TTC7B: variants seen among roughly 807,000 people sequenced by gnomAD.
TTC7B encodes tetratricopeptide repeat protein 7B.
Under a neutral mutation model 106.8 loss-of-function variants are expected in TTC7B, and 28 were observed. The observed-to-expected ratio is 0.26, with a 90% CI of 0.19 to 0.36. The LOEUF (loss-of-function observed/expected upper bound fraction) is 0.36, where lower values mean the gene tolerates loss of function less well. Ranked by LOEUF, TTC7B falls within the 10% of genes least tolerant of loss-of-function variation. The pLI is 1.00. For missense variants in TTC7B, 862 were observed against 1,076.4 expected (o/e 0.80, Z 2.79); for synonymous variants, 405 against 430.6 (o/e 0.94, Z 0.74).
chr14:90,779,090 T>C (rs914029264), intron 3 of TTC7B, among the ~76,000 whole-genome samples: 1 of 152,186 alleles, frequency 6.6e-6, no homozygotes, highest in Non-Finnish European at 1.5e-5. Flanking sequence ...CCACAGTCAG[T>C]CACGGAACGT....
intron 4 of TTC7B, among the ~76,000 whole-genome samples, chr14:90,730,669 G>A (rs964722870): frequency 6.6e-6 from 1 of 152,190 alleles, no homozygotes; most frequent in African/African-American, 2.4e-5. Context: ...ATCTGCACTA[G>A]CCCTGGAATC....
At chr14:90,703,570 G>T (rs1222726047) in intron 5 of TTC7B, among the ~76,000 whole-genome samples, 1 of 152,094 alleles carries the variant, frequency 6.6e-6, no homozygotes, top group Non-Finnish European at 1.5e-5. Flanking sequence ...AATCCAAGGG[G>T]ATCATTTGAA....
chr14:90,741,654 A>C (rs1484437203), intron 4 of TTC7B, among the ~76,000 whole-genome samples: 1 of 152,180 alleles, frequency 6.6e-6, no homozygotes, highest in East Asian at 1.9e-4. Context: ...AAATTAAGTC[A>C]ATTAAGTTCA....
chr14:90,694,492 TTATAAA>T (rs1405422847), intron 6 of TTC7B, among the ~76,000 whole-genome samples: 2 of 150,938 alleles, frequency 1.3e-5, no homozygotes, highest in African/African-American at 2.4e-5. Flanking sequence ...TATTTATATA[TTATAAA>T]TATATGTCAC....
intron 3 of TTC7B, among the ~76,000 whole-genome samples, chr14:90,749,206 G>A (rs1890060267): frequency 6.6e-6 from 1 of 151,984 alleles, no homozygotes; most frequent in Admixed American, 6.6e-5. Context: ...ATTATGAAGT[G>A]CTTGGGCTTT....
At chr14:90,707,126 G>A (rs1424519592) in intron 5 of TTC7B, among the ~76,000 whole-genome samples, 1 of 152,148 alleles carries the variant, frequency 6.6e-6, no homozygotes, top group Non-Finnish European at 1.5e-5. Context: ...CTACTCAGTT[G>A]CTTTATTCCG....
At chr14:90,582,537 G>C (rs1006739673) in intron 18 of TTC7B, among the ~76,000 whole-genome samples, 1 of 152,236 alleles carries the variant, frequency 6.6e-6, no homozygotes, top group East Asian at 1.9e-4. Context: ...CAGTGCCACA[G>C]GTTTCCTCCA....
intron 5 of TTC7B, among the ~76,000 whole-genome samples, chr14:90,726,698 A>G (rs899620836): frequency 2.6e-5 from 4 of 152,242 alleles, no homozygotes; most frequent in Non-Finnish European, 4.4e-5. Flanking sequence ...TTCCAAACCC[A>G]GCACCTGAGC....
In TTC7B at chr14:90,816,373, C is replaced by G; in HGVS notation, c.-78G>C. The G allele has an allele frequency of 1.2e-6, 1 of 828,000 alleles. No homozygotes were observed. The highest frequency in any genetic ancestry group is 1.5e-6 in the Non-Finnish European group (1 of 689,456). The allele number at this position is 828,000 out of a possible 1,614,324, so 51.3% of individuals were successfully genotyped here. On this transcript the variant is annotated 5_prime_UTR_variant, in exon 1 of 20. Coordinates refer to ENST00000328459, the MANE Select transcript of TTC7B (RefSeq NM_001010854.2). ...GCGGCGCCCCCTCGCCGCCTCCCGC[C>G]GCCGCCGCGGGCTCGGGCTCCGGCT... is the stretch of plus-strand genomic sequence containing the variant.
chr14:90,780,741 T>C lies in TTC7B; in HGVS notation c.442A>G (p.Lys148Glu), dbSNP rs1046828259. The part of the protein sequence containing the change: ...LRVIAEAYAT[K>E]GLCLEKLPIS... Reference sequence around the variant, plus strand: ...TGTTAGAAGGCACGGGCCTCACCTTTGGTAGCGTAGGCTTCTGCGATCACC... The same window carrying C: ...TGTTAGAAGGCACGGGCCTCACCTTCGGTAGCGTAGGCTTCTGCGATCACC... The change falls in exon 3 of 20, where the codon AAA becomes GAA. Residue 148 changes from lysine (K) to glutamate (E), a missense_variant. By Grantham distance (56) the Lys-to-Glu change is moderately conservative (BLOSUM62 1). Coordinates refer to ENST00000328459, the MANE Select transcript of TTC7B (RefSeq NM_001010854.2). 7.4e-6 allele frequency: 12 copies of C among 1,614,002 alleles called. No individual in the cohort carries two copies. Among genetic ancestry groups the C allele is most frequent in the Non-Finnish European group, 8.5e-6 (10 of 1,179,984 alleles).
At chr14:90,603,919 C>T (rs1317029032) in intron 17 of TTC7B, among the ~76,000 whole-genome samples, 1 of 152,188 alleles carries the variant, frequency 6.6e-6, no homozygotes, top group Non-Finnish European at 1.5e-5. Flanking sequence ...TGGCTAGACA[C>T]TCCCTGAGGA....
Position 90,652,909 on chromosome 14 carries a change from G to T in TTC7B, c.1460-11C>A. ...TCCCTCGCAAAGAAGCTAAGAAAAG[G>T]GTTCAATTAGTCAGTGGCATGGGGG... On this transcript the variant is annotated splice_polypyrimidine_tract_variant and intron_variant, in intron 12 of 19. Coordinates refer to ENST00000328459, the MANE Select transcript of TTC7B (RefSeq NM_001010854.2). 6.2e-7 allele frequency: 1 copy of T among 1,614,118 alleles called. No individual in the cohort carries two copies. The highest frequency in any genetic ancestry group is 8.5e-7 in the Non-Finnish European group (1 of 1,179,994).
rs562397585 is a variant in TTC7B, at chr14:90,570,900, C to T, written c.2310+7206G>A. Among the ~76,000 whole-genome samples the T allele has an allele frequency of 4.6e-5, 7 of 152,298 alleles. No homozygotes were observed. Among genetic ancestry groups the T allele is most frequent in the African/African-American group, 9.6e-5 (4 of 41,566 alleles). ...AGATGAAGGGACTTATCTCGGGGTACGCAGTTAGTAAGCGACACAGCTGGG... is the reference window on the plus strand; with the variant it reads ...AGATGAAGGGACTTATCTCGGGGTATGCAGTTAGTAAGCGACACAGCTGGG... On this transcript the variant is annotated intron_variant, in intron 19 of 19. Transcript: ENST00000328459. This position sits in a 1 kb window ranked among gnomAD's most constrained non-coding sequence, Gnocchi z 4.0.
intron 19 of TTC7B, among the ~76,000 whole-genome samples, chr14:90,561,169 C>T (rs1332669984): frequency 6.6e-6 from 1 of 152,216 alleles, no homozygotes; most frequent in African/African-American, 2.4e-5. Context: ...AGTGGGCATG[C>T]TCCGCTCCTC....
intron 17 of TTC7B, among the ~76,000 whole-genome samples, chr14:90,597,738 CTA>C (rs1391800723): frequency 1.3e-5 from 2 of 151,992 alleles, no homozygotes; most frequent in Non-Finnish European, 2.9e-5. Context: ...TGGTAAGTGA[CTA>C]TATAGACACT....
At chr14:90,616,888 C>T (rs57135792) in intron 16 of TTC7B, among the ~76,000 whole-genome samples, 3,382 of 152,296 alleles carry the variant, frequency 0.022, 118 homozygotes, top group African/African-American at 0.078. Context: ...ATGATATCAG[C>T]TGACCAGACA....
intron 1 of TTC7B, among the ~76,000 whole-genome samples, chr14:90,798,502 A>G (rs1431940393): frequency 6.6e-6 from 1 of 151,994 alleles, no homozygotes; most frequent in Non-Finnish European, 1.5e-5. Flanking sequence ...CCTGAGGTCA[A>G]GAGTTCGAGA....
intron 3 of TTC7B, among the ~76,000 whole-genome samples, chr14:90,764,705 A>G (rs1344339591): frequency 6.6e-6 from 1 of 152,258 alleles, no homozygotes; most frequent in Non-Finnish European, 1.5e-5. Context: ...AAGCACATGA[A>G]AAATTGCTTA....
intron 17 of TTC7B, among the ~76,000 whole-genome samples, chr14:90,601,622 T>C (rs1289500531): frequency 6.6e-6 from 1 of 152,072 alleles, no homozygotes; most frequent in East Asian, 1.9e-4. Context: ...CAGATTTTTC[T>C]CCAAAAAAAC....
Sources: allele counts gnomAD v4.1 joint callset (sites outside exome capture counted in the v4.1 genomes callset), GRCh38; gene constraint gnomAD v4.1.1; non-coding constraint Gnocchi (gnomAD v3.1); transcripts MANE v1.5; gene names NCBI Gene and HGNC (gene_info 2026-07-23, HGNC 2026-07-21).